Variants in PCDHA11 observed in about 807,000 individuals in gnomAD.
PCDHA11 encodes protocadherin alpha 11.
Under a neutral mutation model 70.3 loss-of-function variants are expected in PCDHA11, and 61 were observed. The ratio of observed to expected loss-of-function variants is 0.87; its 90% CI spans 0.71 to 1.07. The LOEUF (loss-of-function observed/expected upper bound fraction) is 1.07. Among genes scored for constraint, PCDHA11 ranks in the 50% least tolerant of loss-of-function variants. The pLI is 0.00. For synonymous variants in PCDHA11, 633 were observed against 555.1 expected, an observed-to-expected ratio of 1.14 and a Z score of -1.97; for missense variants, 1,324 against 1,237.5, an observed-to-expected ratio of 1.07 and a Z score of -1.05.
intron 1 of PCDHA11, among the ~76,000 whole-genome samples, chr5:140,872,037 G>T (rs1554166004): frequency 1.3e-5 from 2 of 152,238 alleles, no homozygotes; most frequent in African/African-American, 2.4e-5. Context: ...TAAGCTCAAA[G>T]AATTCTCCCA....
chr5:140,935,894 CT>C (rs55841305), intron 1 of PCDHA11, among the ~76,000 whole-genome samples: 1,605 of 136,716 alleles, frequency 0.012, 14 homozygotes, highest in Non-Finnish European at 0.016. Context: ...TCAATATTAT[CT>C]TTTTTTTTTT....
intron 1 of PCDHA11, among the ~76,000 whole-genome samples, chr5:140,974,406 T>C (rs903349256): frequency 3.9e-5 from 6 of 152,226 alleles, no homozygotes; most frequent in Non-Finnish European, 8.8e-5. Flanking sequence ...GTTCTAAAGT[T>C]ATGTTTATTT....
At position 140,870,893 on chromosome 5, in the gene PCDHA11, A is replaced by G; in HGVS notation, c.1790A>G (p.Asp597Gly). The G allele has an allele frequency of 6.2e-7, 1 of 1,613,930 alleles. No individual in the cohort carries two copies. Among genetic ancestry groups the G allele is most frequent in the Non-Finnish European group, 8.5e-7 (1 of 1,179,894 alleles). ...GTGGTGGCGAAGGTGCGCGCAGTGGATGCGGACTCAGGCTACAACGCGTGG... is the reference window on the plus strand; with the variant it reads ...GTGGTGGCGAAGGTGCGCGCAGTGGGTGCGGACTCAGGCTACAACGCGTGG... ...GHVVAKVRAV[D>G]ADSGYNAWLS... Residue 597 changes from aspartate to glycine, a missense_variant, in exon 1 of 4, where the codon GAT (aspartate) becomes GGT (glycine). Transcript: ENST00000398640.
At chr5:140,926,583 G>C in intron 1 of PCDHA11, 1 of 279,462 alleles carries the variant, frequency 3.6e-6, no homozygotes, top group Non-Finnish European at 6.6e-6. Context: ...AGCACCTCTC[G>C]CGCCCGGGCG....
intron 1 of PCDHA11, among the ~76,000 whole-genome samples, chr5:140,908,224 C>T (rs2073867832): frequency 6.6e-6 from 1 of 152,160 alleles, no homozygotes; most frequent in Admixed American, 6.5e-5. Flanking sequence ...GTGAACCAGT[C>T]CTTAGTCTTC....
At chr5:140,980,113 C>T (rs2096877031) in intron 2 of PCDHA11, among the ~76,000 whole-genome samples, 1 of 152,096 alleles carries the variant, frequency 6.6e-6, no homozygotes, top group African/African-American at 2.4e-5. Context: ...ACATTGGAAC[C>T]TGGGTCATAA....
In PCDHA11 at chr5:140,993,233, G is replaced by A. The variant is rs143093605; in HGVS notation, c.2539+10670G>A. ...TTTAGCTTTTTGGTATGTTCTCTCT[G>A]AATCTGGGGATTTAGATATATAAAT... On this transcript the variant is annotated intron_variant, in intron 3 of 3. Coordinates refer to ENST00000398640, the MANE Select transcript of PCDHA11 (RefSeq NM_018902.5). Among the ~76,000 whole-genome samples the A allele has an allele frequency of 2.0e-5, 3 of 152,224 alleles. No individual in the cohort carries two copies. The East Asian group carries it at 5.8e-4, about 29-fold the overall frequency.
At chr5:140,969,260 C>G (rs782595245) in intron 1 of PCDHA11, 1 of 1,614,228 alleles carries the variant, frequency 6.2e-7, no homozygotes, top group South Asian at 1.1e-5. Context: ...CAGCAGGAAT[C>G]TCACAGGCCA....
At chr5:140,914,809 T>G (rs532202561) in intron 1 of PCDHA11, among the ~76,000 whole-genome samples, 21 of 152,314 alleles carry the variant, frequency 1.4e-4, no homozygotes, top group African/African-American at 5.1e-4. Flanking sequence ...TGATGGCAAC[T>G]TAACAGACTG....
rs782618131 is a variant in PCDHA11 at position 140,871,467 on chromosome 5, G to A, written c.2364G>A (p.Gln788=). The A allele has an allele frequency of 1.1e-5, 18 of 1,602,610 alleles. No homozygotes were observed. The highest frequency in any genetic ancestry group is 1.3e-5 in the Non-Finnish European group (15 of 1,173,754). ...ATAAAGAGGAGGAAGGGGAAAGACA[G>A]GAGCCAGGGTCAAATCACCCCGGAC... ...GLNKEEEGER[Q]EPGSNHPGQP... The change falls in exon 1 of 4, where the codon CAG becomes CAA. Residue 788 remains glutamine (Q), a synonymous_variant. Coordinates refer to ENST00000398640, the MANE Select transcript of PCDHA11 (RefSeq NM_018902.5).
intron 1 of PCDHA11, among the ~76,000 whole-genome samples, chr5:140,900,537 A>G (rs2068113323): frequency 6.6e-6 from 1 of 152,204 alleles, no homozygotes; most frequent in African/African-American, 2.4e-5. Context: ...TCGGCTTTCC[A>G]AAGTGCTGGG....
chr5:140,989,745 C>A (rs1554251059), intron 3 of PCDHA11, among the ~76,000 whole-genome samples: 2 of 152,154 alleles, frequency 1.3e-5, no homozygotes, highest in African/African-American at 4.8e-5. Context: ...ATTGCCTAAT[C>A]TGGAGAAACA....
intron 1 of PCDHA11, among the ~76,000 whole-genome samples, chr5:140,937,039 C>CTTT (rs34994034): frequency 3.6e-5 from 5 of 140,162 alleles, no homozygotes; most frequent in African/African-American, 5.3e-5. Context: ...TTCCATTTAT[C>CTTT]TTTTTTTTTT....
intron 1 of PCDHA11, among the ~76,000 whole-genome samples, chr5:140,878,982 T>C (rs1484097371): frequency 2.0e-5 from 3 of 152,206 alleles, no homozygotes; most frequent in African/African-American, 4.8e-5. Flanking sequence ...CCCTCTATCT[T>C]AGAAATGAGA....
Position 141,010,319 on chromosome 5 carries a change from C to G in PCDHA11, c.*382C>G. The G allele has an allele frequency of 6.5e-7, 1 of 1,545,436 alleles. No individual in the cohort carries two copies. Among genetic ancestry groups the G allele is most frequent in the South Asian group, 1.2e-5 (1 of 83,248 alleles). On this transcript the variant is annotated 3_prime_UTR_variant, in exon 4 of 4. Coordinates refer to ENST00000398640, the MANE Select transcript of PCDHA11 (RefSeq NM_018902.5). ...CAGGCTGAAAAGTTTTGAGATTGAG[C>G]AGCTTGGGAGTTTGTGGCCACTGGG...
In PCDHA11 at chr5:140,883,030, C is replaced by G. The variant is rs1554176556; in HGVS notation, c.2391+11536C>G. ...TTTATAAAGTGACGGTGTTAGAGAA[C>G]GCCTTCAATGGAACATTAGTGATCA... On this transcript the variant is annotated intron_variant, in intron 1 of 3. Coordinates refer to ENST00000398640, the MANE Select transcript of PCDHA11 (RefSeq NM_018902.5). 1 of 1,613,940 alleles carries G rather than the reference C, an allele frequency of 6.2e-7. No individual in the cohort carries two copies. Among genetic ancestry groups the G allele is most frequent in the Non-Finnish European group, 8.5e-7 (1 of 1,180,036 alleles).
At chr5:140,966,569 G>A in intron 1 of PCDHA11, 1 of 500,346 alleles carries the variant, frequency 2.0e-6, no homozygotes, top group Non-Finnish European at 3.3e-6. Flanking sequence ...TGGAATATGG[G>A]GAGTCAGCGA....
chr5:140,953,858 T>C (rs568873240), intron 1 of PCDHA11, among the ~76,000 whole-genome samples: 10 of 152,328 alleles, frequency 6.6e-5, no homozygotes, highest in African/African-American at 1.9e-4. Flanking sequence ...TGTGCCATGG[T>C]GGTTTGCTGC....
At chr5:140,965,496 ATT>A (rs71766133) in intron 1 of PCDHA11, among the ~76,000 whole-genome samples, 87 of 146,352 alleles carry the variant, frequency 5.9e-4, no homozygotes, top group Middle Eastern at 3.6e-3. Context: ...ATGACAGCAG[ATT>A]TTTTTTTTTT....
Sources: gnomAD v4.1 joint callset for allele counts (sites outside exome capture counted in the v4.1 genomes callset) on GRCh38, gnomAD v4.1.1 for gene constraint, MANE v1.5 for transcripts, NCBI Gene and HGNC (gene_info 2026-07-23, HGNC 2026-07-21) for gene names.